Variants in POF1B observed in about 807,000 individuals in gnomAD.
POF1B encodes the protein protein POF1B.
A neutral mutation model predicts 55.3 loss-of-function variants in POF1B; 53 were observed. The observed-to-expected ratio is 0.96, with a 90% CI of 0.77 to 1.20. POF1B has a LOEUF of 1.20. Ranked by LOEUF, POF1B falls within the 50% of genes most tolerant of loss-of-function variation. The probability of loss-of-function intolerance (pLI) is 0.00; values close to 1 mark genes in which losing one functional copy is unlikely to be tolerated. For synonymous variants in POF1B, 188 were observed against 148.3 expected (o/e 1.27, Z -1.95); for missense variants, 478 against 420.5 (o/e 1.14, Z -1.20).
At chrX:85,341,309 TG>T (rs1933166641) in intron 6 of POF1B, among the ~76,000 whole-genome samples, 1 of 111,072 alleles carries the variant, frequency 9.0e-6, no homozygotes, top group Admixed American at 9.6e-5. Flanking sequence ...GGATCAGCTC[TG>T]GGTGGTGAAG....
intron 15 of POF1B, 42 bp downstream of exon 15, chrX:85,303,364 A>G: frequency 2.2e-6 from 2 of 915,911 alleles, no homozygotes; most frequent in Non-Finnish European, 3.1e-6. Flanking sequence ...GGATTATATG[A>G]TCATAATTTT....
At chrX:85,363,616 T>A (rs1164909927) in intron 3 of POF1B, among the ~76,000 whole-genome samples, 1 of 112,050 alleles carries the variant, frequency 8.9e-6, no homozygotes, top group East Asian at 2.8e-4. Context: ...AGAAGGTGTT[T>A]GGTATGATTT....
intron 7 of POF1B, among the ~76,000 whole-genome samples, chrX:85,321,381 A>G (rs1467088210): frequency 2.7e-5 from 3 of 110,533 alleles, no homozygotes; most frequent in Non-Finnish European, 5.7e-5. Flanking sequence ...GCCCTTTGAC[A>G]AAATTCAACA....
At chrX:85,342,532 A>G (rs1056674689) in intron 6 of POF1B, among the ~76,000 whole-genome samples, 2 of 111,441 alleles carry the variant, frequency 1.8e-5, no homozygotes, top group Non-Finnish European at 3.8e-5. Context: ...ATTGTACATT[A>G]AAGTATGATT....
intron 13 of POF1B, among the ~76,000 whole-genome samples, chrX:85,305,467 C>A (rs983089768): frequency 9.0e-6 from 1 of 110,596 alleles, no homozygotes; most frequent in African/African-American, 3.3e-5. Context: ...TCATATATTG[C>A]TTTTGCCTAC....
At chrX:85,313,563 C>T (rs1932754957) in intron 9 of POF1B, among the ~76,000 whole-genome samples, 1 of 111,820 alleles carries the variant, frequency 8.9e-6, no homozygotes, top group Non-Finnish European at 1.9e-5. Flanking sequence ...TGATATGCTG[C>T]TGGATTCAGT....
intron 9 of POF1B, among the ~76,000 whole-genome samples, chrX:85,312,789 G>A (rs1392663046): frequency 9.0e-6 from 1 of 111,445 alleles, no homozygotes; most frequent in African/African-American, 3.3e-5. Context: ...TCAAGATATC[G>A]ATTCTTCCTA....
intron 15 of POF1B, among the ~76,000 whole-genome samples, chrX:85,300,529 A>C (rs1042781576): frequency 3.9e-4 from 44 of 112,635 alleles, no homozygotes; most frequent in African/African-American, 1.4e-3. Context: ...CACTAAGCAA[A>C]AGACAATAAC....
At chrX:85,378,209 A>C (rs756046468) in intron 2 of POF1B, among the ~76,000 whole-genome samples, 3 of 111,733 alleles carry the variant, frequency 2.7e-5, no homozygotes, top group Non-Finnish European at 5.6e-5. Context: ...TTTTGGAAAA[A>C]TAATATGTAT....
intron 4 of POF1B, among the ~76,000 whole-genome samples, chrX:85,357,546 T>C (rs868446717): frequency 4.0e-4 from 45 of 111,279 alleles, no homozygotes; most frequent in Middle Eastern, 9.3e-3. Flanking sequence ...AATGTCACTA[T>C]CACTTTCTTA....
chrX:85,350,266 G>A (rs1196440056), intron 5 of POF1B, among the ~76,000 whole-genome samples: 1 of 105,134 alleles, frequency 9.5e-6, no homozygotes, highest in African/African-American at 3.5e-5. Context: ...TCCCACCTAT[G>A]AGTGAGAATA....
chrX:85,310,705 A>T (rs1013569062), intron 9 of POF1B, among the ~76,000 whole-genome samples: 12 of 111,537 alleles, frequency 1.1e-4, no homozygotes, highest in Admixed American at 2.9e-4. Context: ...GAAGTTTCCC[A>T]AATTAGTAAA....
At chrX:85,361,278 T>TCC (rs1933612970) in intron 3 of POF1B, among the ~76,000 whole-genome samples, 1 of 109,687 alleles carries the variant, frequency 9.1e-6, no homozygotes, top group Non-Finnish European at 1.9e-5. Flanking sequence ...CTTTTGACAT[T>TCC]TTGTTTCTAT....
chrX:85,286,751 C>T (rs939064797), intron 15 of POF1B, among the ~76,000 whole-genome samples: 1 of 111,130 alleles, frequency 9.0e-6, no homozygotes, highest in South Asian at 3.7e-4. Flanking sequence ...CAAAATGTAG[C>T]AGTCCTAAAT....
rs363775 is a variant in POF1B at position 85,308,207 on chromosome X, T to C, written c.967A>G (p.Met323Val). 5 of 1,153,158 alleles carry C rather than the reference T, an allele frequency of 4.3e-6. No homozygotes were observed. The Middle Eastern group carries it at 9.7e-4, about 224-fold the overall frequency. The stretch of plus-strand genomic sequence containing the variant: ...ACTAGTCGGAGTGACTTATCAGACA[T>C]ACCCCTCATCTGCAGGAAGAAAGGA... Reference protein sequence around the residue: ...QIRYILQMRGMSDKSLRLVLS... With the variant: ...QIRYILQMRGVSDKSLRLVLS... The change falls in exon 10 of 17, where the codon ATG (methionine) becomes GTG (valine). Residue 323 changes from methionine (M) to valine (V), a missense_variant. Met to Val is a conservative substitution (Grantham distance 21). Coordinates refer to ENST00000262753, the MANE Select transcript of POF1B (RefSeq NM_024921.4).
At chrX:85,280,826 T>C (rs1313006889) in intron 16 of POF1B, among the ~76,000 whole-genome samples, 1 of 110,554 alleles carries the variant, frequency 9.0e-6, no homozygotes, top group Non-Finnish European at 1.9e-5. Flanking sequence ...TAGGAGTATA[T>C]AATTAGGAAA....
At chrX:85,315,442 C>T (rs1932779104) in intron 8 of POF1B, among the ~76,000 whole-genome samples, 2 of 110,837 alleles carry the variant, frequency 1.8e-5, no homozygotes, top group Admixed American at 1.9e-4. Flanking sequence ...AAAAATAGAA[C>T]ATTTCAAATA....
chrX:85,324,464 T>G (rs1932874991), intron 7 of POF1B, among the ~76,000 whole-genome samples: 1 of 111,569 alleles, frequency 9.0e-6, no homozygotes, highest in African/African-American at 3.3e-5. Flanking sequence ...CATTATGTAA[T>G]GCCCTTTGTC....
chrX:85,304,952 G>A (rs950788769), intron 13 of POF1B, among the ~76,000 whole-genome samples: 3 of 110,944 alleles, frequency 2.7e-5, no homozygotes, highest in Non-Finnish European at 3.8e-5. Context: ...ACACAGTCAC[G>A]CAGTAACATA....
Sources: gnomAD v4.1 joint callset for allele counts (sites outside exome capture counted in the v4.1 genomes callset) on GRCh38, gnomAD v4.1.1 for gene constraint, MANE v1.5 for transcripts, NCBI Gene and HGNC (gene_info 2026-07-23, HGNC 2026-07-21) for gene names.